Variants in EHBP1 observed in about 807,000 individuals in gnomAD.
EHBP1 encodes EH domain binding protein 1.
EHBP1 carries 55 observed loss-of-function variants against 144.0 expected under a neutral mutation model. The observed-to-expected ratio is 0.38, with a 90% confidence interval of 0.31 to 0.48. The LOEUF is 0.48. Among genes scored for constraint, EHBP1 ranks in the 20% least tolerant of loss-of-function variants. The probability of loss-of-function intolerance (pLI) is 0.98; values close to 1 mark genes in which losing one functional copy is unlikely to be tolerated. For synonymous variants in EHBP1, 469 were observed against 472.7 expected (o/e 0.99, Z 0.10); for missense variants, 1,200 against 1,364.2 (o/e 0.88, Z 1.90).
chr2:62,681,441 A>G (rs2033527841), intron 1 of EHBP1, among the ~76,000 whole-genome samples: 1 of 148,798 alleles, frequency 6.7e-6, no homozygotes, highest in Non-Finnish European at 1.5e-5. Context: ...TACATGTAAG[A>G]TAGCATGACT....
chr2:63,004,249 T>G (rs2059948493), intron 19 of EHBP1, among the ~76,000 whole-genome samples: 2 of 152,076 alleles, frequency 1.3e-5, no homozygotes, highest in Non-Finnish European at 2.9e-5. Flanking sequence ...CAGTTCACAA[T>G]TTAAGCAAAA....
intron 5 of EHBP1, among the ~76,000 whole-genome samples, chr2:62,799,504 C>G (rs2043820208): frequency 6.6e-6 from 1 of 152,172 alleles, no homozygotes; most frequent in Non-Finnish European, 1.5e-5. Context: ...GCCTACCTTC[C>G]TGCTCTTAGA....
In EHBP1 at chr2:62,877,213, C is replaced by T. The variant is rs185281718; in HGVS notation, c.1185+2681C>T. ...AAGAGGAGGGGTTGCTATTCTAATGCTAGACAAAACAGACTTTAAGCCAAC... is the reference window on the plus strand; with the variant it reads ...AAGAGGAGGGGTTGCTATTCTAATGTTAGACAAAACAGACTTTAAGCCAAC... On this transcript the variant is annotated intron_variant, in intron 10 of 22. Transcript: ENST00000431489. Among the ~76,000 whole-genome samples, 21 of 152,118 alleles carry T rather than the reference C, an allele frequency of 1.4e-4. No homozygotes were observed. In the East Asian group the frequency reaches 3.9e-3, roughly 28 times the overall value.
At position 62,767,385 on chromosome 2, in the gene EHBP1, A is replaced by C. The variant is rs556213147; in HGVS notation, c.258+3024A>C. Among the ~76,000 whole-genome samples, 18 of 152,274 alleles carry C rather than the reference A, an allele frequency of 1.2e-4. 1 individual carries two copies. The South Asian group carries it at 2.7e-3, about 23-fold the overall frequency. On this transcript the variant is annotated intron_variant, in intron 4 of 22. Coordinates refer to ENST00000431489, the MANE Select transcript of EHBP1 (RefSeq NM_001142616.3). ...ATTAAATAATGATTATAATTTAGAT[A>C]AATTATGGAAGTATTATAAAAGTAG...
intron 3 of EHBP1, among the ~76,000 whole-genome samples, chr2:62,753,031 T>C (rs1340026176): frequency 6.6e-6 from 1 of 152,216 alleles, no homozygotes; most frequent in Non-Finnish European, 1.5e-5. Flanking sequence ...TGTGTGAATT[T>C]GATCCTGTCA....
At chr2:62,950,876 T>G (rs1027065962) in intron 13 of EHBP1, among the ~76,000 whole-genome samples, 2 of 151,890 alleles carry the variant, frequency 1.3e-5, no homozygotes, top group African/African-American at 4.8e-5. Context: ...GTAGAGACGG[T>G]GTTTCTCCAT....
chr2:62,807,658 T>C (rs1420939016), intron 5 of EHBP1, among the ~76,000 whole-genome samples: 1 of 152,236 alleles, frequency 6.6e-6, no homozygotes, highest in Admixed American at 6.5e-5. Flanking sequence ...TTTTTTCTTC[T>C]CTCTAGAGAA....
intron 1 of EHBP1, among the ~76,000 whole-genome samples, chr2:62,699,912 C>T (rs1455303754): frequency 6.6e-6 from 1 of 152,192 alleles, no homozygotes; most frequent in Non-Finnish European, 1.5e-5. Context: ...CAACCAAGCC[C>T]ATGTTGGTCT....
chr2:62,936,477 T>C (rs367926451), intron 10 of EHBP1, among the ~76,000 whole-genome samples: 3 of 152,188 alleles, frequency 2.0e-5, no homozygotes, highest in Non-Finnish European at 4.4e-5. Context: ...CTTTTACCTT[T>C]TTATTTTACT....
At chr2:62,706,264 A>G (rs1307620257) in intron 1 of EHBP1, 1 of 152,586 alleles carries the variant, frequency 6.6e-6, no homozygotes, top group Non-Finnish European at 1.5e-5. Flanking sequence ...CACCCTGCAC[A>G]GTCCACTTGC....
In EHBP1 at chr2:62,803,580, T is replaced by C. The variant is rs557647560; in HGVS notation, c.313-22507T>C. On this transcript the variant is annotated intron_variant, in intron 5 of 22. Coordinates refer to ENST00000431489, the MANE Select transcript of EHBP1 (RefSeq NM_001142616.3). ...GATGTTGAGCATCTTGTTATATGTT[T>C]ATTAGCCATGCATGTTTTTCTGTGA... Among the ~76,000 whole-genome samples the C allele has an allele frequency of 7.2e-5, 11 of 152,354 alleles. No individual in the cohort carries two copies. The South Asian group carries it at 2.3e-3, about 32-fold the overall frequency.
chr2:62,883,041 CAT>C (rs1491539397), intron 10 of EHBP1, among the ~76,000 whole-genome samples: 1 of 152,108 alleles, frequency 6.6e-6, no homozygotes, highest in African/African-American at 2.4e-5. Context: ...TACACACACA[CAT>C]ATATATGTAC....
intron 21 of EHBP1, among the ~76,000 whole-genome samples, chr2:63,043,087 A>G (rs1317581683): frequency 3.3e-5 from 5 of 152,132 alleles, no homozygotes; most frequent in Non-Finnish European, 7.4e-5. Flanking sequence ...TTTCTGAAAT[A>G]ATATTTCTAG....
chr2:62,811,724 TA>T (rs1042860882), intron 5 of EHBP1, among the ~76,000 whole-genome samples: 3 of 152,188 alleles, frequency 2.0e-5, no homozygotes, highest in Admixed American at 2.0e-4. Context: ...CAAGTTGGAT[TA>T]AAAAACTTCT....
At chr2:62,687,606 G>T (rs1378317342) in intron 1 of EHBP1, among the ~76,000 whole-genome samples, 1 of 152,160 alleles carries the variant, frequency 6.6e-6, no homozygotes, top group African/African-American at 2.4e-5. Flanking sequence ...AATGCATTGT[G>T]ATTTGACATA....
chr2:62,835,870 A>T (rs950666336), intron 7 of EHBP1, among the ~76,000 whole-genome samples: 1 of 152,146 alleles, frequency 6.6e-6, no homozygotes, highest in African/African-American at 2.4e-5. Context: ...GATTGCTAGC[A>T]CAGCAGTCTG....
intron 13 of EHBP1, among the ~76,000 whole-genome samples, chr2:62,953,451 A>T (rs2057513408): frequency 6.6e-6 from 1 of 151,904 alleles, no homozygotes; most frequent in Non-Finnish European, 1.5e-5. Context: ...TGGGAGGCTG[A>T]GGTAAGAGGA....
At position 62,688,157 on chromosome 2, in the gene EHBP1, A is replaced by C. The variant is rs148289220; in HGVS notation, c.-296+14074A>C. Among the ~76,000 whole-genome samples the C allele has an allele frequency of 3.9e-3, 589 of 152,330 alleles. 2 individuals carry two copies. Among genetic ancestry groups the C allele is most frequent in the African/African-American group, 0.013 (559 of 41,590 alleles). On this transcript the variant is annotated intron_variant, in intron 1 of 22. Transcript: ENST00000405015. ...TTGAGAGAGAATTACTGAATAAAGT[A>C]ATTTAATATTGGATGTAAAAATTGG...
chr2:62,729,423 TAATATAATAATAATA>T (rs1243016070), intron 2 of EHBP1, among the ~76,000 whole-genome samples: 2 of 93,280 alleles, frequency 2.1e-5, no homozygotes, highest in African/African-American at 4.3e-5. Context: ...AATAATAATA[TAATATAATAATAATA>T]AATATAATAA....
Sources: allele counts gnomAD v4.1 joint callset (sites outside exome capture counted in the v4.1 genomes callset), GRCh38; gene constraint gnomAD v4.1.1; transcripts MANE v1.5; gene names NCBI Gene and HGNC (gene_info 2026-07-23, HGNC 2026-07-21).